The following MGAT4C variants were observed in gnomAD, a reference collection of about 807,000 sequenced individuals.
The protein encoded by MGAT4C is MGAT4 family member C, also known as alpha-1,3-mannosyl-glycoprotein 4-beta-N-acetylglucosaminyltransferase C.
MGAT4C carries 19 observed loss-of-function variants against 40.1 expected under a neutral mutation model. That is an observed-to-expected ratio of 0.47 (90% CI 0.33 to 0.70). The LOEUF (loss-of-function observed/expected upper bound fraction) is 0.70. MGAT4C is among the 30% of genes least tolerant of loss of function. The probability of loss-of-function intolerance (pLI) is 0.02; values close to 1 mark genes in which losing one functional copy is unlikely to be tolerated. For missense variants in MGAT4C, 491 were observed against 563.2 expected, an observed-to-expected ratio of 0.87 and a Z score of 1.30; for synonymous variants, 181 against 187.1, an observed-to-expected ratio of 0.97 and a Z score of 0.27.
At chr12:86,804,220 A>G (rs988928846) in intron 1 of MGAT4C, among the ~76,000 whole-genome samples, 24 of 145,068 alleles carry the variant, frequency 1.7e-4, no homozygotes, top group African/African-American at 6.1e-4. Context: ...GAACAATGAG[A>G]TCACATGGAC....
At position 86,108,590 on chromosome 12, in the gene MGAT4C, C is replaced by T. The variant is rs147356647; in HGVS notation, c.-56-58867G>A. On this transcript the variant is annotated intron_variant, in intron 1 of 4. Coordinates refer to ENST00000611864, the MANE Select transcript of MGAT4C (RefSeq NM_001351288.2). The stretch of plus-strand genomic sequence containing the variant: ...TCTCTCCAGATAGGAAGAATACCCA[C>T]CATGGATTGGTTCTGGCCGGGTTTA... 2.4e-3 allele frequency among the ~76,000 whole-genome samples: 365 copies of T among 152,220 alleles called. 2 individuals are homozygous for T. Among genetic ancestry groups the T allele is most frequent in the African/African-American group, 8.5e-3 (352 of 41,534 alleles).
intron 2 of MGAT4C, among the ~76,000 whole-genome samples, chr12:86,611,137 AT>A (rs949733627): frequency 3.9e-5 from 6 of 152,086 alleles, no homozygotes; most frequent in Non-Finnish European, 7.4e-5. Flanking sequence ...TGATGAAGGG[AT>A]ATCTGATGGA....
chr12:86,345,252 ATTTAT>A (rs964247758), intron 3 of MGAT4C, among the ~76,000 whole-genome samples: 7 of 151,432 alleles, frequency 4.6e-5, no homozygotes, highest in African/African-American at 1.7e-4. Context: ...TTTCTTATTT[ATTTAT>A]TTATTTTTAT....
chr12:86,221,061 T>C (rs941411018), intron 1 of MGAT4C, among the ~76,000 whole-genome samples: 1 of 152,192 alleles, frequency 6.6e-6, no homozygotes, highest in African/African-American at 2.4e-5. Flanking sequence ...GTGTGCTAGT[T>C]AACACCTCGT....
chr12:86,630,723 C>T (rs1484693333), intron 2 of MGAT4C, among the ~76,000 whole-genome samples: 1 of 152,158 alleles, frequency 6.6e-6, no homozygotes, highest in African/African-American at 2.4e-5. Context: ...TAAAAACTCT[C>T]AATAAACTAG....
Position 86,829,903 on chromosome 12 carries a change from A to G in MGAT4C, c.-262+8763T>C, listed in dbSNP as rs1273429474. 4.7e-5 allele frequency among the ~76,000 whole-genome samples: 7 copies of G among 150,244 alleles called. No individual in the cohort carries two copies. In the Admixed American group the frequency reaches 4.7e-4, roughly 10 times the overall value. On this transcript the variant is annotated intron_variant, in intron 1 of 7. Coordinates refer to the MGAT4C transcript ENST00000548651. ...CTAGATAAAATGAAGGGAAATTACA[A>G]GGCATGTTTACATACATATCGATGT...
intron 4 of MGAT4C, among the ~76,000 whole-genome samples, chr12:86,318,575 G>A (rs1410303341): frequency 4.6e-5 from 7 of 151,934 alleles, no homozygotes; most frequent in Admixed American, 4.6e-4. Flanking sequence ...TTTTTTTGTA[G>A]GGTGAATATT....
At chr12:86,597,297 C>T (rs1254954262) in intron 2 of MGAT4C, among the ~76,000 whole-genome samples, 5 of 152,174 alleles carry the variant, frequency 3.3e-5, no homozygotes, top group Non-Finnish European at 1.5e-5. Context: ...CACCCAATTC[C>T]CACCATATTA....
intron 1 of MGAT4C, among the ~76,000 whole-genome samples, chr12:86,118,078 A>G (rs908201977): frequency 3.9e-5 from 6 of 152,216 alleles, no homozygotes; most frequent in Non-Finnish European, 5.9e-5. Flanking sequence ...CTACCTTCAA[A>G]TAACTAGAAG....
chr12:86,554,133 TACACACACAC>T (rs5799783), intron 2 of MGAT4C, among the ~76,000 whole-genome samples: 1 of 149,886 alleles, frequency 6.7e-6, no homozygotes, highest in African/African-American at 2.5e-5. Flanking sequence ...TACACATACA[TACACACACAC>T]ACACACACAC....
intron 1 of MGAT4C, among the ~76,000 whole-genome samples, chr12:86,119,218 A>G (rs1878944756): frequency 6.6e-6 from 1 of 152,114 alleles, no homozygotes. Flanking sequence ...TTTTTATATC[A>G]GTATATATTT....
chr12:86,704,240 G>GA (rs1412990220), intron 2 of MGAT4C, among the ~76,000 whole-genome samples: 4 of 152,028 alleles, frequency 2.6e-5, no homozygotes, highest in Non-Finnish European at 2.9e-5. Context: ...CACCTTGGAA[G>GA]AAAAAAGTTA....
At chr12:86,641,112 A>G (rs1200343721) in intron 2 of MGAT4C, among the ~76,000 whole-genome samples, 1 of 151,820 alleles carries the variant, frequency 6.6e-6, no homozygotes, top group Non-Finnish European at 1.5e-5. Flanking sequence ...AAGACTTGGA[A>G]CCAACCCAAA....
At chr12:86,013,789 A>G in intron 2 of MGAT4C, 12 of 959,670 alleles carry the variant, frequency 1.3e-5, no homozygotes, top group Non-Finnish European at 1.5e-5. Context: ...AGACTTTCTT[A>G]GTAAACTCTT....
intron 2 of MGAT4C, among the ~76,000 whole-genome samples, chr12:86,627,648 G>A (rs1014913886): frequency 2.0e-5 from 3 of 152,162 alleles, no homozygotes; most frequent in Admixed American, 6.5e-5. Context: ...TGCAGCTGAG[G>A]GACCTGACTG....
At chr12:86,355,368 AAGTT>A (rs138656030) in intron 3 of MGAT4C, among the ~76,000 whole-genome samples, 12,878 of 152,232 alleles carry the variant, frequency 0.085, 751 homozygotes, top group Middle Eastern at 0.22. Context: ...GGTTAGAAAA[AAGTT>A]AGTCAAAAAA....
Position 86,803,356 on chromosome 12 carries a change from A to C in MGAT4C, c.-262+35310T>G, listed in dbSNP as rs1167883357. Among the ~76,000 whole-genome samples, 297 of 151,674 alleles carry C rather than the reference A, an allele frequency of 2.0e-3. 1 individual carries two copies. Among genetic ancestry groups the C allele is most frequent in the Non-Finnish European group, 2.5e-3 (169 of 67,742 alleles). ...TTACCATTCAGGACATAGGCATGGG[A>C]AAGGACTTCATGTCTAAAACACCAA... On this transcript the variant is annotated intron_variant, in intron 1 of 7. Coordinates refer to the MGAT4C transcript ENST00000548651.
chr12:85,973,021 A>G lies in MGAT4C; in HGVS notation c.*6268T>C, dbSNP rs1268202651. 1.3e-5 allele frequency: 2 copies of G among 150,918 alleles called. No individual in the cohort carries two copies. The highest frequency in any genetic ancestry group is 3.0e-5 in the Non-Finnish European group (2 of 67,134). 9.3% of individuals were successfully genotyped at this position (150,918 alleles called of 1,614,324 possible). A position where few individuals can be genotyped will look rare whatever the true frequency, so the allele number is the denominator to read the frequency against. On this transcript the variant is annotated 3_prime_UTR_variant, in exon 5 of 5. Transcript: ENST00000611864. ...AGACAAAACTGACAGATTATTATTC[A>G]ATGAGAAACCTGACTCAGATGAAGT...
chr12:86,107,681 T>C (rs1182103073), intron 1 of MGAT4C, among the ~76,000 whole-genome samples: 1 of 152,178 alleles, frequency 6.6e-6, no homozygotes, highest in Non-Finnish European at 1.5e-5. Flanking sequence ...TCTGAATTTA[T>C]GTAAAATTGT....
Sources: allele counts gnomAD v4.1 joint callset (sites outside exome capture counted in the v4.1 genomes callset), GRCh38; gene constraint gnomAD v4.1.1; transcripts MANE v1.5; gene names NCBI Gene and HGNC (gene_info 2026-07-23, HGNC 2026-07-21).